The following RAI1 variants were observed in gnomAD, a reference collection of about 807,000 sequenced individuals.
RAI1 encodes retinoic acid-induced protein 1.
A neutral mutation model predicts 123.8 loss-of-function variants in RAI1; 9 were observed. The ratio of observed to expected loss-of-function variants is 0.07; its 90% CI spans 0.04 to 0.13. The LOEUF (loss-of-function observed/expected upper bound fraction) is 0.13, where lower values mean the gene tolerates loss of function less well. RAI1 is among the 10% of genes least tolerant of loss of function. The pLI is 1.00. For missense variants in RAI1, 2,256 were observed against 2,545.8 expected (o/e 0.89, Z 2.45); for synonymous variants, 1,231 against 1,127.3 (o/e 1.09, Z -1.84).
At chr17:17,806,999 A>T (rs754848884) in intron 4 of RAI1, among the ~76,000 whole-genome samples, 26 of 151,090 alleles carry the variant, frequency 1.7e-4, no homozygotes, top group Non-Finnish European at 3.4e-4. Flanking sequence ...AAGTGTAGAT[A>T]GCTGGGCTCA....
At position 17,795,344 on chromosome 17, in the gene RAI1, C is replaced by T. The variant is rs1468833306; in HGVS notation, c.2396C>T (p.Pro799Leu). ...ACLGFQEEDP[P>L]GEKVASLPGD... Reference sequence around the variant, plus strand: ...CTGGGCTTCCAGGAGGAGGACCCCCCTGGGGAGAAGGTGGCCTCGTTGCCC... The same window carrying T: ...CTGGGCTTCCAGGAGGAGGACCCCCTTGGGGAGAAGGTGGCCTCGTTGCCC... The change falls in exon 3 of 6, where the codon CCT (proline) becomes CTT (leucine). Residue 799 changes from proline to leucine, a missense_variant. Pro to Leu is a moderately conservative substitution (Grantham distance 98). Coordinates refer to ENST00000353383, the MANE Select transcript of RAI1 (RefSeq NM_030665.4). This position sits in a 1 kb window ranked among gnomAD's most constrained non-coding sequence, Gnocchi z 5.9. The T allele has an allele frequency of 1.9e-6, 3 of 1,601,470 alleles. No individual in the cohort carries two copies. Among genetic ancestry groups the T allele is most frequent in the Non-Finnish European group, 8.5e-7 (1 of 1,171,674 alleles).
rs200195368 is a variant in RAI1 at position 17,809,464 on chromosome 17, G to A, written c.5709+25G>A. 1.1e-5 allele frequency: 18 copies of A among 1,575,304 alleles called. No individual in the cohort carries two copies. In the South Asian group the frequency reaches 1.6e-4, roughly 14 times the overall value. On this transcript the variant is annotated intron_variant, in intron 5 of 5. Coordinates refer to ENST00000353383, the MANE Select transcript of RAI1 (RefSeq NM_030665.4). The surrounding 1 kb of genome is among the most constrained non-coding windows in gnomAD (Gnocchi z 4.9). ...GGTAGGGGACCACAGTGTTTTGTAG[G>A]GCGAGGGGTGTCAAGCGGGAGAGGA...
At chr17:17,689,596 G>A (rs182770356) in intron 1 of RAI1, among the ~76,000 whole-genome samples, 298 of 152,334 alleles carry the variant, frequency 2.0e-3, no homozygotes, top group African/African-American at 7.0e-3. Flanking sequence ...AGCCATGAAT[G>A]AGATGCAGCT....
chr17:17,748,811 G>A (rs2030030799), intron 2 of RAI1, among the ~76,000 whole-genome samples: 1 of 152,168 alleles, frequency 6.6e-6, no homozygotes, highest in Non-Finnish European at 1.5e-5. Context: ...GGACCTCAGG[G>A]GCCATGACAG....
At chr17:17,698,423 GCCCT>G (rs1915106385) in intron 1 of RAI1, among the ~76,000 whole-genome samples, 1 of 152,202 alleles carries the variant, frequency 6.6e-6, no homozygotes, top group African/African-American at 2.4e-5. Flanking sequence ...TCTAGGCCCA[GCCCT>G]GGCCCAGTAG....
chr17:17,809,832 GGCCTCGGGCGGAGACCC>G lies in RAI1; in HGVS notation c.5710-137_5710-121del. On this transcript the variant is annotated intron_variant, in intron 5 of 5. Coordinates refer to ENST00000353383, the MANE Select transcript of RAI1 (RefSeq NM_030665.4). The surrounding 1 kb of genome is among the most constrained non-coding windows in gnomAD (Gnocchi z 4.9). ...TGGGGCCAGAAGGGGTGGTGCCGAC[GGCCTCGGGCGGAGACCC>G]CAGCCGCGCTCTGGGGTCGCCTGGG... 1 of 1,196,146 alleles carries G rather than the reference GGCCTCGGGCGGAGACCC, an allele frequency of 8.4e-7. No individual in the cohort carries two copies. Among genetic ancestry groups the G allele is most frequent in the Non-Finnish European group, 1.2e-6 (1 of 840,682 alleles). The allele number at this position is 1,196,146 out of a possible 1,614,324, so 74.1% of individuals were successfully genotyped here. A position where few individuals can be genotyped will look rare whatever the true frequency, so the allele number is the denominator to read the frequency against.
At chr17:17,765,452 C>G (rs2038849166) in intron 2 of RAI1, among the ~76,000 whole-genome samples, 1 of 152,238 alleles carries the variant, frequency 6.6e-6, no homozygotes, top group African/African-American at 2.4e-5. Context: ...ATTGTACACA[C>G]AAGATGAAAA....
At chr17:17,777,957 C>T (rs2031412843) in intron 2 of RAI1, 1 of 152,232 alleles carries the variant, frequency 6.6e-6, no homozygotes, top group Non-Finnish European at 1.5e-5. Flanking sequence ...GGAGGGTGCT[C>T]CTTGGACAGG....
At position 17,726,728 on chromosome 17, in the gene RAI1, G is replaced by A. The variant is rs529679514; in HGVS notation, c.-17+2569G>A. On this transcript the variant is annotated intron_variant, in intron 2 of 5. Transcript: ENST00000353383. ...GTAAAATAGCATTCACAGAAAAGCT[G>A]AAAAAAAAAGAGAAAAATAAGGTTA... 7.3e-5 allele frequency among the ~76,000 whole-genome samples: 11 copies of A among 151,266 alleles called. No homozygotes were observed. The East Asian group carries it at 1.6e-3, about 21-fold the overall frequency.
At chr17:17,708,427 C>T (rs1327963305) in intron 1 of RAI1, among the ~76,000 whole-genome samples, 2 of 151,408 alleles carry the variant, frequency 1.3e-5, no homozygotes, top group Admixed American at 6.6e-5. Context: ...CACACACACA[C>T]ATATATATAT....
intron 2 of RAI1, among the ~76,000 whole-genome samples, chr17:17,753,223 A>C (rs1407664303): frequency 2.0e-5 from 3 of 152,220 alleles, no homozygotes; most frequent in Non-Finnish European, 1.5e-5. Flanking sequence ...GCAGGGTCAC[A>C]GACACAGGCT....
intron 1 of RAI1, among the ~76,000 whole-genome samples, chr17:17,721,732 C>CA (rs753744277): frequency 2.6e-4 from 40 of 152,218 alleles, no homozygotes; most frequent in Non-Finnish European, 5.0e-4. Context: ...GTTCACTCAG[C>CA]AGCCTCAGGA....
intron 4 of RAI1, among the ~76,000 whole-genome samples, chr17:17,805,488 C>G (rs2032578111): frequency 6.6e-6 from 1 of 152,144 alleles, no homozygotes; most frequent in Non-Finnish European, 1.5e-5. Flanking sequence ...CCAGGCCCCC[C>G]CAGGCTCCCG....
chr17:17,752,450 C>T (rs2030229950), intron 2 of RAI1, among the ~76,000 whole-genome samples: 1 of 151,750 alleles, frequency 6.6e-6, no homozygotes, highest in Non-Finnish European at 1.5e-5. Flanking sequence ...CGCGGCCGCG[C>T]GCGGCTGGAA....
chr17:17,809,990 C>T lies in RAI1; in HGVS notation c.*9C>T. 3 of 1,549,102 alleles carry T rather than the reference C, an allele frequency of 1.9e-6. No individual in the cohort carries two copies. The highest frequency in any genetic ancestry group is 2.6e-6 in the Non-Finnish European group (3 of 1,147,636). ...TGCAGAGGCTGCCGTAGTAATCCAC[C>T]CCAACGGCCGGAGGAGCCGCCGGAG... On this transcript the variant is annotated 3_prime_UTR_variant, in exon 6 of 6. Transcript: ENST00000353383. This position sits in a 1 kb window ranked among gnomAD's most constrained non-coding sequence, Gnocchi z 4.9.
In RAI1 at chr17:17,740,715, A is replaced by G. The variant is rs1313916087; in HGVS notation, c.-17+16556A>G. Among the ~76,000 whole-genome samples the G allele has an allele frequency of 3.9e-5, 6 of 152,190 alleles. No homozygotes were observed. In the East Asian group the frequency reaches 7.7e-4, roughly 20 times the overall value. ...TTTCAGGGAGGGAGGTCCAGGCAGCAGGAGCCTGGGGGACAATGCTATTTT... is the reference window on the plus strand; with the variant it reads ...TTTCAGGGAGGGAGGTCCAGGCAGCGGGAGCCTGGGGGACAATGCTATTTT... On this transcript the variant is annotated intron_variant, in intron 2 of 5. Transcript: ENST00000353383.
intron 2 of RAI1, among the ~76,000 whole-genome samples, chr17:17,784,689 GC>G: frequency 6.6e-6 from 1 of 152,322 alleles, no homozygotes; most frequent in African/African-American, 2.4e-5. Context: ...AGACCCATGG[GC>G]CTCAAGGCAC....
rs548147688 is a variant in RAI1 at position 17,714,900 on chromosome 17, T to G, written c.-148-9128T>G. On this transcript the variant is annotated intron_variant, in intron 1 of 5. Transcript: ENST00000353383. This position sits in a 1 kb window ranked among gnomAD's most constrained non-coding sequence, Gnocchi z 4.9. ...TGTCTCGGCCTAGGAGCTTTCTTGC[T>G]CAGCTTGGGGAGAGAGGTAGTAATG... Among the ~76,000 whole-genome samples, 1 of 152,348 alleles carries G rather than the reference T, an allele frequency of 6.6e-6. No individual in the cohort carries two copies. Among genetic ancestry groups the G allele is most frequent in the African/African-American group, 2.4e-5 (1 of 41,590 alleles).
chr17:17,701,227 A>T (rs1348880263), intron 1 of RAI1, among the ~76,000 whole-genome samples: 1 of 152,308 alleles, frequency 6.6e-6, no homozygotes, highest in East Asian at 1.9e-4. Context: ...CACTGAGGCC[A>T]GTCTGCCTGA....
Sources: gnomAD v4.1 joint callset for allele counts (sites outside exome capture counted in the v4.1 genomes callset) on GRCh38, gnomAD v4.1.1 for gene constraint, Gnocchi (gnomAD v3.1) non-coding constraint, MANE v1.5 for transcripts, NCBI Gene and HGNC (gene_info 2026-07-23, HGNC 2026-07-21) for gene names.